Variants in USP32 observed in about 807,000 individuals in gnomAD.
USP32 encodes the protein ubiquitin carboxyl-terminal hydrolase 32.
USP32 carries 59 observed loss-of-function variants against 204.8 expected under a neutral mutation model. That is an observed-to-expected ratio of 0.29 (90% confidence interval 0.23 to 0.36). The LOEUF (loss-of-function observed/expected upper bound fraction) is 0.36, where lower values mean the gene tolerates loss of function less well. Among genes scored for constraint, USP32 ranks in the 10% least tolerant of loss-of-function variants. The probability of loss-of-function intolerance (pLI) is 1.00; values close to 1 mark genes in which losing one functional copy is unlikely to be tolerated. For missense variants in USP32, 1,160 were observed against 1,946.4 expected (o/e 0.60, Z 7.60); for synonymous variants, 517 against 678.4 (o/e 0.76, Z 3.70).
chr17:60,197,817 A>G (rs946176344), intron 27 of USP32, among the ~76,000 whole-genome samples: 2 of 152,232 alleles, frequency 1.3e-5, no homozygotes, highest in Non-Finnish European at 2.9e-5. Context: ...GGTAAGGGAA[A>G]AAGAAAAAAG....
At chr17:60,331,898 CA>C (rs932887788) in intron 2 of USP32, among the ~76,000 whole-genome samples, 2 of 139,242 alleles carry the variant, frequency 1.4e-5, no homozygotes. Context: ...GACCCCATCT[CA>C]AAAAAAAATA....
At chr17:60,180,182 C>A (rs1451709867) in intron 33 of USP32, among the ~76,000 whole-genome samples, 2 of 152,112 alleles carry the variant, frequency 1.3e-5, no homozygotes, top group African/African-American at 4.8e-5. Context: ...CGCGCCAACA[C>A]GCCCAACTAA....
At chr17:60,311,495 C>A (rs545662829) in intron 2 of USP32, among the ~76,000 whole-genome samples, 2 of 152,262 alleles carry the variant, frequency 1.3e-5, no homozygotes, top group Admixed American at 6.5e-5. Context: ...ATACCAAAAA[C>A]CTACCTCTTG....
At chr17:60,304,209 T>C (rs1180062824) in intron 2 of USP32, among the ~76,000 whole-genome samples, 1 of 151,660 alleles carries the variant, frequency 6.6e-6, no homozygotes, top group Non-Finnish European at 1.5e-5. Context: ...AACCCAAAAA[T>C]TATAGCTGGA....
upstream of USP32, among the ~76,000 whole-genome samples, chr17:60,393,175 T>C (rs2089869072): frequency 6.6e-6 from 1 of 152,218 alleles, no homozygotes. Context: ...TCAATTTCAC[T>C]ACTCTTAAGT....
intron 1 of USP32, among the ~76,000 whole-genome samples, chr17:60,379,507 A>AC (rs1240425280): frequency 6.6e-6 from 1 of 152,150 alleles, no homozygotes; most frequent in Non-Finnish European, 1.5e-5. Context: ...TGAAGAACAG[A>AC]CATTTTGGGG....
intron 4 of USP32, among the ~76,000 whole-genome samples, chr17:60,291,448 C>A (rs1275622921): frequency 6.6e-6 from 1 of 152,022 alleles, no homozygotes; most frequent in African/African-American, 2.4e-5. Context: ...TAATAAAGCA[C>A]AAGATAGAAA....
At chr17:60,395,036 G>A (rs916993552), upstream of USP32, among the ~76,000 whole-genome samples, 4 of 152,126 alleles carry the variant, frequency 2.6e-5, no homozygotes, top group Non-Finnish European at 5.9e-5. Flanking sequence ...GAGCCACCAC[G>A]CCTGGGCTAC....
At chr17:60,237,092 A>T (rs2085745383) in intron 11 of USP32, among the ~76,000 whole-genome samples, 2 of 150,578 alleles carry the variant, frequency 1.3e-5, no homozygotes, top group African/African-American at 4.9e-5. Flanking sequence ...TTACACTGGG[A>T]TTATAAAAAA....
At chr17:60,417,951 G>A (rs1262308951) in intron 1 of USP32, among the ~76,000 whole-genome samples, 1 of 142,904 alleles carries the variant, frequency 7.0e-6, no homozygotes, top group Non-Finnish European at 1.5e-5. Context: ...CACCACGTCC[G>A]GCTAATCTTT....
At chr17:60,390,950 T>C (rs772843661) in intron 1 of USP32, among the ~76,000 whole-genome samples, 3 of 152,186 alleles carry the variant, frequency 2.0e-5, no homozygotes, top group African/African-American at 7.2e-5. Flanking sequence ...GGCCATAAAC[T>C]GTGCAACAAG....
chr17:60,265,309 A>G, intron 9 of USP32, 103 bp downstream of exon 9: 1 of 731,690 alleles, frequency 1.4e-6, no homozygotes, highest in Non-Finnish European at 2.2e-6. Context: ...AGTACTTGGT[A>G]GGGAGGATGC....
intron 5 of USP32, among the ~76,000 whole-genome samples, chr17:60,279,623 G>T (rs576827478): frequency 1.3e-5 from 2 of 151,792 alleles, no homozygotes; most frequent in African/African-American, 2.4e-5. Flanking sequence ...GATCACTAGA[G>T]CCCAGGAGTT....
At chr17:60,265,571 CT>C in intron 8 of USP32, 97 bp from the exon 9 acceptor site, 1 of 852,674 alleles carries the variant, frequency 1.2e-6, no homozygotes, top group African/African-American at 1.7e-5. Context: ...ATTTGTTTTG[CT>C]TTTCTTGTAG....
chr17:60,208,505 C>T (rs2084886990), intron 23 of USP32, 149 bp downstream of exon 23: 2 of 1,305,538 alleles, frequency 1.5e-6, no homozygotes, highest in Non-Finnish European at 9.9e-7. Context: ...TTTCAAACCT[C>T]AAGTCATGCC....
At position 60,181,488 on chromosome 17, in the gene USP32, G is replaced by C; in HGVS notation, c.4384C>G (p.Gln1462Glu). Residue 1462 changes from glutamine to glutamate, a missense_variant, in exon 32 of 34, where the codon CAG becomes GAG. Coordinates refer to ENST00000300896, the MANE Select transcript of USP32 (RefSeq NM_032582.4). ...GGSQPELVTPQDHEVALANGF... is the reference protein window; with the variant it reads ...GGSQPELVTPEDHEVALANGF... The stretch of plus-strand genomic sequence containing the variant: ...TTGGCCAAAGCTACCTCATGGTCCT[G>C]AGGAGTGACCAACTCTGGTTGGCTG... 1 of 1,614,020 alleles carries C rather than the reference G, an allele frequency of 6.2e-7. No homozygotes were observed. The highest frequency in any genetic ancestry group is 1.3e-5 in the African/African-American group (1 of 75,058).
At position 60,302,105 on chromosome 17, in the gene USP32, T is replaced by TTTTATTTA. The variant is rs1191398405; in HGVS notation, c.187-402_187-401insTAAATAAA. On this transcript the variant is annotated intron_variant, in intron 2 of 33. Coordinates refer to ENST00000300896, the MANE Select transcript of USP32 (RefSeq NM_032582.4). ...TGTTCTGAGCACATATATATAAATATTTTGTTTGTTTATTTATTTATTTAT... is the reference window on the plus strand; with the variant it reads ...TGTTCTGAGCACATATATATAAATATTTTATTTATTTGTTTGTTTATTTATTTATTTAT... 2.8e-4 allele frequency among the ~76,000 whole-genome samples: 35 copies of TTTTATTTA among 125,532 alleles called. 1 individual carries two copies. Among genetic ancestry groups the TTTTATTTA allele is most frequent in the African/African-American group, 1.0e-3 (34 of 33,178 alleles). 82.4% of individuals were successfully genotyped at this position (125,532 alleles called of 152,430 possible).
chr17:60,342,689 C>T (rs937865673), intron 2 of USP32, among the ~76,000 whole-genome samples: 2 of 152,212 alleles, frequency 1.3e-5, no homozygotes, highest in African/African-American at 2.4e-5. Context: ...CAGACTGCTG[C>T]GCTAACAGTG....
intron 2 of USP32, among the ~76,000 whole-genome samples, chr17:60,314,980 T>C (rs918694380): frequency 6.6e-6 from 1 of 152,136 alleles, no homozygotes; most frequent in African/African-American, 2.4e-5. Context: ...AACAACAAAA[T>C]GACCACTCAA....
Sources: gnomAD v4.1 joint callset for allele counts (sites outside exome capture counted in the v4.1 genomes callset) on GRCh38, gnomAD v4.1.1 for gene constraint, MANE v1.5 for transcripts, NCBI Gene and HGNC (gene_info 2026-07-23, HGNC 2026-07-21) for gene names.